The following ADTRP variants were observed in gnomAD, a reference collection of about 807,000 sequenced individuals.
ADTRP encodes androgen dependent TFPI regulating protein.
In ADTRP, 20 loss-of-function variants were observed where a neutral mutation model predicts 27.0. The ratio of observed to expected loss-of-function variants is 0.74; its 90% CI spans 0.52 to 1.08. ADTRP has a LOEUF of 1.08. Among genes scored for constraint, ADTRP ranks in the 50% least tolerant of loss-of-function variants. The pLI is 0.00. For synonymous variants in ADTRP, 101 were observed against 105.2 expected (o/e 0.96, Z 0.25); for missense variants, 251 against 275.0 (o/e 0.91, Z 0.62).
intron 3 of ADTRP, 22 bp downstream of exon 3, chr6:11,766,243 TCTGAGTTCA>T (rs1357888057): frequency 6.5e-7 from 1 of 1,532,452 alleles, no homozygotes. Flanking sequence ...CTATTGGTGT[TCTGAGTTCA>T]CTGAATTTTC....
In ADTRP at chr6:11,736,191, G is replaced by A. The variant is rs143435624; in HGVS notation, c.391-508C>T. 8.6e-5 allele frequency: 14 copies of A among 162,676 alleles called. No homozygotes were observed. The East Asian group carries it at 1.5e-3, about 17-fold the overall frequency. 10.1% of individuals were successfully genotyped at this position (162,676 alleles called of 1,614,324 possible). A position where few individuals can be genotyped will look rare whatever the true frequency, so the allele number is the denominator to read the frequency against. On this transcript the variant is annotated intron_variant, in intron 3 of 5. Transcript: ENST00000414691. The stretch of plus-strand genomic sequence containing the variant: ...CAAAGTGCTGGCTTGGCGGCTTGGC[G>A]TAAGTCACCGTGCCTGGCCCTCTCC...
At chr6:11,715,766 CTGACTAGT>C (rs1396287826) in intron 5 of ADTRP, among the ~76,000 whole-genome samples, 1 of 143,066 alleles carries the variant, frequency 7.0e-6, no homozygotes, top group African/African-American at 2.7e-5. Flanking sequence ...CCTCAGTCTC[CTGACTAGT>C]TGGCACTAGA....
chr6:11,766,695 A>G (rs1001678184), intron 2 of ADTRP, among the ~76,000 whole-genome samples: 2 of 152,204 alleles, frequency 1.3e-5, no homozygotes, highest in African/African-American at 4.8e-5. Flanking sequence ...ATTTTAACCA[A>G]TAACTTCTTT....
intron 3 of ADTRP, chr6:11,755,012 G>A: frequency 1.0e-6 from 1 of 983,274 alleles, no homozygotes; most frequent in Non-Finnish European, 1.2e-6. Flanking sequence ...AGAGATTTAG[G>A]ATCTTCTGTT....
chr6:11,715,141 T>C (rs2113862776), intron 5 of ADTRP, among the ~76,000 whole-genome samples: 1 of 152,344 alleles, frequency 6.6e-6, no homozygotes, highest in Non-Finnish European at 1.5e-5. Flanking sequence ...GAAATTTCAT[T>C]AGCTCATTAT....
At chr6:11,770,815 G>A (rs1048060608) in intron 1 of ADTRP, among the ~76,000 whole-genome samples, 1 of 152,092 alleles carries the variant, frequency 6.6e-6, no homozygotes. Flanking sequence ...CCTCACCCTG[G>A]TTTCACTTCC....
intron 1 of ADTRP, among the ~76,000 whole-genome samples, chr6:11,777,457 T>A (rs914764617): frequency 5.9e-5 from 9 of 151,322 alleles, no homozygotes; most frequent in Non-Finnish European, 1.2e-4. Context: ...CTTAGGGGTG[T>A]GTGTGTATGC....
rs80076769 is a variant in ADTRP, at chr6:11,755,874, A to G, written c.390+10400T>C. Among the ~76,000 whole-genome samples, 1,346 of 152,332 alleles carry G rather than the reference A, an allele frequency of 8.8e-3. 22 individuals carry two copies. Among genetic ancestry groups the G allele is most frequent in the African/African-American group, 0.03 (1,266 of 41,588 alleles). On this transcript the variant is annotated intron_variant, in intron 3 of 5. Transcript: ENST00000414691. Reference sequence around the variant, plus strand: ...TATTTCTGCTCGGGAGCTTTGGTACATGTTTGGCAATGCTCTGAACAAGGG... The same window carrying G: ...TATTTCTGCTCGGGAGCTTTGGTACGTGTTTGGCAATGCTCTGAACAAGGG...
chr6:11,722,709 A>ATT (rs372093967), intron 5 of ADTRP, among the ~76,000 whole-genome samples: 1 of 151,858 alleles, frequency 6.6e-6, no homozygotes, highest in African/African-American at 2.4e-5. Flanking sequence ...AGTTAAGATG[A>ATT]TTTTTTTTTC....
At chr6:11,723,839 A>G (rs1762096948) in intron 4 of ADTRP, among the ~76,000 whole-genome samples, 1 of 152,042 alleles carries the variant, frequency 6.6e-6, no homozygotes, top group South Asian at 2.1e-4. Context: ...GGGGTGGATC[A>G]CCTGAGGTCA....
intron 3 of ADTRP, among the ~76,000 whole-genome samples, chr6:11,737,912 T>C (rs138107653): frequency 6.6e-6 from 1 of 152,352 alleles, no homozygotes; most frequent in Non-Finnish European, 1.5e-5. Flanking sequence ...CTGCAGCTTC[T>C]GTGTCTCTCC....
At chr6:11,729,267 G>A (rs976115351) in intron 4 of ADTRP, among the ~76,000 whole-genome samples, 4 of 152,120 alleles carry the variant, frequency 2.6e-5, no homozygotes, top group Admixed American at 6.5e-5. Flanking sequence ...GAAACTGCAA[G>A]GCTAGAGTGT....
At chr6:11,754,430 T>C (rs1318171141) in intron 3 of ADTRP, among the ~76,000 whole-genome samples, 1 of 152,096 alleles carries the variant, frequency 6.6e-6, no homozygotes, top group Admixed American at 6.5e-5. Flanking sequence ...GATCTTGGAT[T>C]GGGAGAGGAA....
chr6:11,771,931 C>G (rs1329271160), intron 1 of ADTRP, among the ~76,000 whole-genome samples: 1 of 152,122 alleles, frequency 6.6e-6, no homozygotes, highest in Non-Finnish European at 1.5e-5. Flanking sequence ...TTCCAGCCTC[C>G]AGAACTATGA....
intron 4 of ADTRP, among the ~76,000 whole-genome samples, chr6:11,724,105 A>T (rs1229548926): frequency 6.6e-6 from 1 of 151,546 alleles, no homozygotes; most frequent in African/African-American, 2.4e-5. Flanking sequence ...AACCATCGTT[A>T]GCTAAAGAAC....
intron 3 of ADTRP, among the ~76,000 whole-genome samples, chr6:11,744,228 A>C (rs1762800299): frequency 6.6e-6 from 1 of 152,176 alleles, no homozygotes; most frequent in South Asian, 2.1e-4. Context: ...CCATGAGGAA[A>C]AGTTCCTGAG....
chr6:11,749,340 A>C (rs1762968765), intron 3 of ADTRP, among the ~76,000 whole-genome samples: 1 of 152,140 alleles, frequency 6.6e-6, no homozygotes, highest in East Asian at 1.9e-4. Context: ...TGAGAATAGA[A>C]TATATTCAGC....
chr6:11,747,776 T>C (rs534618518), intron 3 of ADTRP, among the ~76,000 whole-genome samples: 1 of 152,210 alleles, frequency 6.6e-6, no homozygotes, highest in Non-Finnish European at 1.5e-5. Flanking sequence ...GAAACTGACC[T>C]ATCACAGGCT....
At chr6:11,760,738 A>G (rs1043834941) in intron 3 of ADTRP, among the ~76,000 whole-genome samples, 2 of 152,208 alleles carry the variant, frequency 1.3e-5, no homozygotes, top group African/African-American at 2.4e-5. Context: ...TCTAATAGGC[A>G]TCTAAAACTC....
Sources: allele counts gnomAD v4.1 joint callset (sites outside exome capture counted in the v4.1 genomes callset), GRCh38; gene constraint gnomAD v4.1.1; transcripts MANE v1.5; gene names NCBI Gene and HGNC (gene_info 2026-07-23, HGNC 2026-07-21).